The following FRMD4A variants were observed in gnomAD, a reference collection of about 807,000 sequenced individuals.
FRMD4A encodes FERM domain-containing protein 4A.
Under a neutral mutation model 129.1 loss-of-function variants are expected in FRMD4A, and 29 were observed. The ratio of observed to expected loss-of-function variants is 0.22; its 90% confidence interval spans 0.17 to 0.31. The LOEUF is 0.31. FRMD4A is among the 10% of genes least tolerant of loss of function. The probability of loss-of-function intolerance (pLI) is 1.00; values close to 1 mark genes in which losing one functional copy is unlikely to be tolerated. For synonymous variants in FRMD4A, 634 were observed against 571.6 expected, an observed-to-expected ratio of 1.11 and a Z score of -1.56; for missense variants, 1,272 against 1,375.8, an observed-to-expected ratio of 0.92 and a Z score of 1.19.
chr10:13,894,766 T>C (rs74121772), intron 2 of FRMD4A, among the ~76,000 whole-genome samples: 1,734 of 152,306 alleles, frequency 0.011, 31 homozygotes, highest in African/African-American at 0.039. Flanking sequence ...GGGAATGTTT[T>C]CCCCCAGGTA....
chr10:14,185,669 T>G (rs890358505), intron 2 of FRMD4A, among the ~76,000 whole-genome samples: 2 of 152,054 alleles, frequency 1.3e-5, no homozygotes, highest in Non-Finnish European at 2.9e-5. Context: ...GCTGTGCAGA[T>G]GAGCAGAAGA....
intron 3 of FRMD4A, among the ~76,000 whole-genome samples, chr10:13,820,391 G>T (rs1193305579): frequency 2.0e-5 from 3 of 152,172 alleles, no homozygotes; most frequent in African/African-American, 7.2e-5. Context: ...GGCACTCTGG[G>T]CTGGGAAGGC....
chr10:14,178,920 T>C (rs911760357), intron 2 of FRMD4A, among the ~76,000 whole-genome samples: 3 of 152,216 alleles, frequency 2.0e-5, no homozygotes, highest in African/African-American at 7.2e-5. Context: ...TTCTCACCTA[T>C]AGAGGAAAAC....
chr10:14,315,211 T>C (rs145845336), intron 2 of FRMD4A, among the ~76,000 whole-genome samples: 118 of 152,194 alleles, frequency 7.8e-4, no homozygotes, highest in African/African-American at 2.6e-3. Context: ...TTTCTAACCA[T>C]CACCCGAATA....
At chr10:14,036,190 T>C (rs190082826) in intron 2 of FRMD4A, among the ~76,000 whole-genome samples, 26 of 152,218 alleles carry the variant, frequency 1.7e-4, no homozygotes, top group Non-Finnish European at 3.2e-4. Context: ...CACATTCCAA[T>C]TGCACACTTC....
chr10:13,692,595 A>C (rs1382377036), intron 15 of FRMD4A: 1 of 152,316 alleles, frequency 6.6e-6, no homozygotes, highest in Non-Finnish European at 1.5e-5. Context: ...CACTCACCAG[A>C]ACAGTAACCT....
chr10:14,175,043 A>G (rs1382757159), intron 2 of FRMD4A, among the ~76,000 whole-genome samples: 1 of 152,220 alleles, frequency 6.6e-6, no homozygotes, highest in Admixed American at 6.5e-5. Context: ...GACCTAGGTC[A>G]GAGCATAATG....
chr10:14,315,304 A>T (rs900564830), intron 2 of FRMD4A, among the ~76,000 whole-genome samples: 3 of 152,094 alleles, frequency 2.0e-5, no homozygotes, highest in African/African-American at 7.2e-5. Context: ...ACATACCTCC[A>T]CTAGAATGTC....
chr10:13,955,253 G>A (rs765972090), intron 2 of FRMD4A, among the ~76,000 whole-genome samples: 2 of 151,856 alleles, frequency 1.3e-5, no homozygotes, highest in Non-Finnish European at 2.9e-5. Flanking sequence ...GACTACAGGC[G>A]CTCACCACCA....
intron 2 of FRMD4A, among the ~76,000 whole-genome samples, chr10:14,238,891 C>A (rs1019009529): frequency 1.3e-5 from 2 of 152,164 alleles, no homozygotes; most frequent in African/African-American, 4.8e-5. Flanking sequence ...GCATAGTATT[C>A]CATGGTGTAT....
At chr10:14,264,369 G>A (rs969564407) in intron 2 of FRMD4A, among the ~76,000 whole-genome samples, 14 of 152,122 alleles carry the variant, frequency 9.2e-5, no homozygotes, top group African/African-American at 2.9e-4. Flanking sequence ...CCATGCAACC[G>A]CTGATTAATT....
chr10:14,195,443 A>T lies in FRMD4A; in HGVS notation c.45+134615T>A, dbSNP rs114068568. 6.4e-3 allele frequency among the ~76,000 whole-genome samples: 969 copies of T among 152,134 alleles called. 11 individuals are homozygous for T. The highest frequency in any genetic ancestry group is 0.022 in the African/African-American group (925 of 41,476). Reference sequence around the variant, plus strand: ...GTTTTCTTTCATTAAAAAAAAAAAAAATCAGTTGCCATCAGAAAATAGCAG... The same window carrying T: ...GTTTTCTTTCATTAAAAAAAAAAAATATCAGTTGCCATCAGAAAATAGCAG... On this transcript the variant is annotated intron_variant, in intron 2 of 24. Coordinates refer to ENST00000357447, the MANE Select transcript of FRMD4A (RefSeq NM_018027.5).
chr10:14,030,149 C>T lies in FRMD4A; in HGVS notation c.46-171237G>A, dbSNP rs894444419. Among the ~76,000 whole-genome samples the T allele has an allele frequency of 3.3e-4, 51 of 152,252 alleles. No homozygotes were observed. In the Middle Eastern group the frequency reaches 0.01, roughly 30 times the overall value. On this transcript the variant is annotated intron_variant, in intron 2 of 24. Coordinates refer to ENST00000357447, the MANE Select transcript of FRMD4A (RefSeq NM_018027.5). ...GTCAAGGGGTACAAAGTTTCAGTTA[C>T]GCAGGAGGAATAAGTTCTGGGCACC... is the stretch of plus-strand genomic sequence containing the variant.
At chr10:14,060,764 T>C (rs1834769866) in intron 2 of FRMD4A, among the ~76,000 whole-genome samples, 1 of 152,182 alleles carries the variant, frequency 6.6e-6, no homozygotes, top group Non-Finnish European at 1.5e-5. Flanking sequence ...TGATTCATGT[T>C]TTCTGGGACA....
intron 2 of FRMD4A, among the ~76,000 whole-genome samples, chr10:13,888,836 T>C (rs577700677): frequency 1.3e-5 from 2 of 152,382 alleles, no homozygotes; most frequent in South Asian, 2.1e-4. Flanking sequence ...TGTTAGCATG[T>C]CTATTTCTCA....
At chr10:14,094,898 C>T (rs1288498035) in intron 2 of FRMD4A, among the ~76,000 whole-genome samples, 1 of 151,988 alleles carries the variant, frequency 6.6e-6, no homozygotes, top group Non-Finnish European at 1.5e-5. Context: ...TATATCTATG[C>T]CTGTGTATGA....
chr10:14,104,856 G>A (rs903632447), intron 2 of FRMD4A, among the ~76,000 whole-genome samples: 4 of 152,234 alleles, frequency 2.6e-5, no homozygotes, highest in African/African-American at 9.6e-5. Flanking sequence ...CAGAGCAGCT[G>A]CCTTTGAAAG....
At chr10:14,316,552 T>C (rs1041514154) in intron 2 of FRMD4A, among the ~76,000 whole-genome samples, 2 of 147,806 alleles carry the variant, frequency 1.4e-5, no homozygotes, top group Admixed American at 1.3e-4. Flanking sequence ...GAAACCAGGC[T>C]TAAGCCAATC....
chr10:13,657,020 G>C lies in FRMD4A; in HGVS notation c.2569C>G (p.Gln857Glu). The change falls in exon 22 of 25, where the codon CAG becomes GAG. Residue 857 changes from glutamine to glutamate, a missense_variant. Physicochemically the swap from Gln to Glu is conservative, Grantham distance 29. Transcript: ENST00000357447. ...PVVVRSLESD[Q>E]EGHYSVKAQF... The stretch of plus-strand genomic sequence containing the variant: ...GCCTTGACGCTGTAGTGGCCCTCCT[G>C]GTCGCTCTCCAGGCTGCGCACCACC... 1.3e-6 allele frequency: 2 copies of C among 1,568,826 alleles called. No individual in the cohort carries two copies. The highest frequency in any genetic ancestry group is 2.3e-5 in the South Asian group (2 of 88,242).
Sources: gnomAD v4.1 joint callset for allele counts (sites outside exome capture counted in the v4.1 genomes callset) on GRCh38, gnomAD v4.1.1 for gene constraint, MANE v1.5 for transcripts, NCBI Gene and HGNC (gene_info 2026-07-23, HGNC 2026-07-21) for gene names.